The following BMP2K variants were observed in gnomAD, a reference collection of about 807,000 sequenced individuals.
BMP2K encodes the protein BMP-2-inducible protein kinase.
BMP2K carries 74 observed loss-of-function variants against 116.0 expected under a neutral mutation model. The ratio of observed to expected loss-of-function variants is 0.64; its 90% CI spans 0.53 to 0.77. The LOEUF (loss-of-function observed/expected upper bound fraction) is 0.77. Among genes scored for constraint, BMP2K ranks in the 30% least tolerant of loss-of-function variants. The pLI is 0.00. For missense variants in BMP2K, 1,365 were observed against 1,403.6 expected, an observed-to-expected ratio of 0.97 and a Z score of 0.44; for synonymous variants, 486 against 502.5, an observed-to-expected ratio of 0.97 and a Z score of 0.44.
chr4:78,860,194 G>C, intron 8 of BMP2K: 1 of 409,602 alleles, frequency 2.4e-6, no homozygotes, highest in Non-Finnish European at 4.7e-6. Flanking sequence ...CAGAAAGGTG[G>C]GAAGCGGATG....
intron 15 of BMP2K, among the ~76,000 whole-genome samples, chr4:78,896,911 G>T (rs531521687): frequency 1.3e-5 from 2 of 152,234 alleles, no homozygotes; most frequent in East Asian, 3.9e-4. Context: ...TTTATTGCTA[G>T]ATGGGCCTAC....
At chr4:78,811,595 TAAC>T (rs1339071269) in intron 1 of BMP2K, among the ~76,000 whole-genome samples, 7 of 152,198 alleles carry the variant, frequency 4.6e-5, no homozygotes, top group African/African-American at 7.2e-5. Flanking sequence ...TTTATAAAAG[TAAC>T]AACAAAATTG....
At chr4:78,871,442 C>T (rs1366913213) in intron 11 of BMP2K, among the ~76,000 whole-genome samples, 2 of 152,108 alleles carry the variant, frequency 1.3e-5, no homozygotes, top group African/African-American at 4.8e-5. Flanking sequence ...TTGTCACCCT[C>T]CTGGTTTTGG....
intron 1 of BMP2K, among the ~76,000 whole-genome samples, chr4:78,812,106 C>T (rs1729123254): frequency 6.6e-6 from 1 of 151,930 alleles, no homozygotes; most frequent in African/African-American, 2.4e-5. Context: ...CCTGAGTAGC[C>T]ACAGGTGTGC....
chr4:78,847,751 T>C (rs1282500138), intron 6 of BMP2K, among the ~76,000 whole-genome samples: 2 of 151,774 alleles, frequency 1.3e-5, no homozygotes, highest in African/African-American at 2.4e-5. Context: ...TTAGCCTGTA[T>C]ATATCTGGAT....
chr4:78,798,560 G>T (rs1296319968), intron 1 of BMP2K, among the ~76,000 whole-genome samples: 1 of 152,152 alleles, frequency 6.6e-6, no homozygotes, highest in Admixed American at 6.5e-5. Context: ...ACTGTTAACG[G>T]TAGTCTTCCA....
intron 12 of BMP2K, 68 bp downstream of exon 12, chr4:78,872,016 CATATT>C (rs1386104392): frequency 9.1e-6 from 10 of 1,101,688 alleles, no homozygotes; most frequent in Admixed American, 7.0e-5. Flanking sequence ...CAGTATGAAT[CATATT>C]ATTCAGAATT....
At chr4:78,867,469 C>T (rs1433660501) in intron 10 of BMP2K, among the ~76,000 whole-genome samples, 1 of 152,108 alleles carries the variant, frequency 6.6e-6, no homozygotes, top group African/African-American at 2.4e-5. Flanking sequence ...ATGTCAGGGG[C>T]CGTGTTTCTC....
rs188433870 is a variant in BMP2K at position 78,837,728 on chromosome 4, A to G, written c.403+4041A>G. Among the ~76,000 whole-genome samples, 16 of 151,736 alleles carry G rather than the reference A, an allele frequency of 1.1e-4. No homozygotes were observed. The East Asian group carries it at 2.6e-3, about 25-fold the overall frequency. ...ACACTGGAGTCCAAAGTCAAACTTC[A>G]GGACTCAAGTGATCCTTCTGCCTCA... On this transcript the variant is annotated intron_variant, in intron 3 of 15. Coordinates refer to ENST00000502613, the MANE Select transcript of BMP2K (RefSeq NM_198892.2).
At chr4:78,786,333 T>G (rs1050847794) in intron 1 of BMP2K, among the ~76,000 whole-genome samples, 1 of 151,910 alleles carries the variant, frequency 6.6e-6, no homozygotes, top group Non-Finnish European at 1.5e-5. Context: ...GGCACTGAAT[T>G]TCCCAGCACC....
intron 15 of BMP2K, among the ~76,000 whole-genome samples, chr4:78,894,971 T>G (rs186783584): frequency 3.8e-4 from 58 of 152,280 alleles, no homozygotes; most frequent in African/African-American, 1.3e-3. Context: ...GGTAGATCAG[T>G]CAGAACACAT....
Position 78,826,115 on chromosome 4 carries a change from T to G in BMP2K, c.257T>G (p.Met86Arg), listed in dbSNP as rs1469454740. The stretch of plus-strand genomic sequence containing the variant: ...TTGAAGCGAATGTATGTCAATAACA[T>G]GCCAGACCTCAATGTTTGTAAAAGG... ...CALKRMYVNN[M>R]PDLNVCKREI... The change falls in exon 2 of 16, where the codon ATG becomes AGG. Residue 86 changes from methionine (M) to arginine (R), a missense_variant. Met to Arg is a moderately conservative substitution (Grantham distance 91). Coordinates refer to ENST00000502613, the MANE Select transcript of BMP2K (RefSeq NM_198892.2). 6 of 1,614,016 alleles carry G rather than the reference T, an allele frequency of 3.7e-6. No individual in the cohort carries two copies. In the Admixed American group the frequency reaches 6.7e-5, roughly 18 times the overall value.
chr4:78,885,255 A>G (rs1733020244), intron 14 of BMP2K, among the ~76,000 whole-genome samples: 1 of 152,208 alleles, frequency 6.6e-6, no homozygotes, highest in Non-Finnish European at 1.5e-5. Context: ...AGAGCTGGTA[A>G]TTGTCCCGTT....
intron 2 of BMP2K, among the ~76,000 whole-genome samples, chr4:78,831,181 A>G (rs926225528): frequency 1.3e-5 from 2 of 152,260 alleles, no homozygotes; most frequent in Non-Finnish European, 2.9e-5. Flanking sequence ...TAGAACACAT[A>G]TAACATTTAT....
At chr4:78,795,668 C>A (rs934659505) in intron 1 of BMP2K, among the ~76,000 whole-genome samples, 1 of 152,074 alleles carries the variant, frequency 6.6e-6, no homozygotes, top group Admixed American at 6.5e-5. Flanking sequence ...CCAGAATCTA[C>A]AATGAACTCT....
chr4:78,801,836 ATTGT>A (rs1316231591), intron 1 of BMP2K, among the ~76,000 whole-genome samples: 1 of 152,114 alleles, frequency 6.6e-6, no homozygotes, highest in African/African-American at 2.4e-5. Flanking sequence ...ATGATATGAC[ATTGT>A]TTGTGATTTT....
chr4:78,872,944 G>C, intron 13 of BMP2K, 146 bp downstream of exon 13: 1 of 826,756 alleles, frequency 1.2e-6, no homozygotes, highest in Non-Finnish European at 1.8e-6. Flanking sequence ...CCTGTCTTCT[G>C]GTCCCTTGGC....
intron 4 of BMP2K, 150 bp from the exon 5 acceptor site, chr4:78,844,778 T>C (rs971193949): frequency 2.2e-5 from 14 of 641,056 alleles, no homozygotes; most frequent in East Asian, 5.7e-5. Context: ...ATGGCACATG[T>C]ATACTTATTT....
chr4:78,831,469 T>A (rs1040648403), intron 2 of BMP2K, among the ~76,000 whole-genome samples: 1 of 152,208 alleles, frequency 6.6e-6, no homozygotes, highest in Admixed American at 6.5e-5. Context: ...GTACCACTTT[T>A]TAAAAATGTA....
Sources: allele counts gnomAD v4.1 joint callset (sites outside exome capture counted in the v4.1 genomes callset), GRCh38; gene constraint gnomAD v4.1.1; transcripts MANE v1.5; gene names NCBI Gene and HGNC (gene_info 2026-07-23, HGNC 2026-07-21).